PRRT4: variants seen among roughly 807,000 people sequenced by gnomAD.
The protein encoded by PRRT4 is proline rich transmembrane protein 4.
A neutral mutation model predicts 55.6 loss-of-function variants in PRRT4; 59 were observed. That is an observed-to-expected ratio of 1.06 (90% CI 0.86 to 1.32). The LOEUF is 1.32. Ranked by LOEUF, PRRT4 falls within the 40% of genes most tolerant of loss-of-function variation. The pLI, the probability that PRRT4 is intolerant of heterozygous loss-of-function variation, is 0.00. For missense variants in PRRT4, 1,217 were observed against 1,222.0 expected (o/e 1.00, Z 0.06); for synonymous variants, 606 against 601.8 (o/e 1.01, Z -0.10).
intron 4 of PRRT4, among the ~76,000 whole-genome samples, chr7:128,354,399 A>G (rs1029193967): frequency 3.9e-5 from 6 of 152,172 alleles, no homozygotes; most frequent in African/African-American, 1.4e-4. Context: ...CCCCATCTCT[A>G]CTAAAAATAC....
rs947529777 is a variant in PRRT4, at chr7:128,352,091, G to A, written c.1465C>T (p.Arg489Cys). The A allele has an allele frequency of 7.8e-6, 9 of 1,158,512 alleles. No homozygotes were observed. In the African/African-American group the frequency reaches 1.1e-4, roughly 15 times the overall value. 71.8% of individuals were successfully genotyped at this position (1,158,512 alleles called of 1,614,324 possible). The stretch of plus-strand genomic sequence containing the variant: ...GCGAGCCGCAGGGGCCGCAGCGGGC[G>A]ATGCGCGGCGCTCCCGAGGGCGGCG... The change falls in exon 5 of 5, where the codon CGC becomes TGC. Residue 489 changes from arginine to cysteine, a missense_variant. Around this residue, in one of 3 missense-constraint regions of PRRT4, gnomAD observed 642 missense variants for 600.9 expected, o/e 1.07. Transcript: ENST00000535159.
chr7:128,351,535 A>T (rs1331722299), exon 5 of PRRT4: 1 of 1,484,110 alleles, frequency 6.7e-7, no homozygotes, highest in Non-Finnish European at 8.9e-7. Context: ...CAGCTGCAGC[A>T]GCTCCGCGTC....
chr7:128,356,340 G>A (rs1797111500), intron 4 of PRRT4, among the ~76,000 whole-genome samples: 1 of 152,312 alleles, frequency 6.6e-6, no homozygotes, highest in Admixed American at 6.5e-5. Context: ...GGTGGCTCAA[G>A]TGTCATAAAA....
chr7:128,354,518 C>G (rs1266498609), intron 4 of PRRT4, among the ~76,000 whole-genome samples: 1 of 151,758 alleles, frequency 6.6e-6, no homozygotes, highest in Non-Finnish European at 1.5e-5. Context: ...AAGCAGAGAT[C>G]GCGCCTCTGC....
chr7:128,353,191 A>C (rs1056208235), intron 4 of PRRT4, among the ~76,000 whole-genome samples: 1 of 152,170 alleles, frequency 6.6e-6, no homozygotes, highest in Non-Finnish European at 1.5e-5. Flanking sequence ...GCAGATACTG[A>C]AGCTCTTCTG....
exon 5 of PRRT4, chr7:128,351,529 T>A (rs955147840): frequency 2.7e-6 from 4 of 1,487,848 alleles, no homozygotes; most frequent in Non-Finnish European, 3.6e-6. Flanking sequence ...CGCGCACAGC[T>A]GCAGCAGCTC....
chr7:128,351,714 C>T (rs1005383954), exon 5 of PRRT4: 53 of 1,486,142 alleles, frequency 3.6e-5, no homozygotes, highest in Non-Finnish European at 4.4e-5. Flanking sequence ...GCAGCGCCAA[C>T]GGGAGCGCGA....
exon 2 of PRRT4, chr7:128,359,950 G>A (rs190063022): frequency 0.015 from 22,107 of 1,439,298 alleles, 228 homozygotes; most frequent in South Asian, 0.032. Context: ...CAAACAGGAC[G>A]CAGCAGAACA....
intron 4 of PRRT4, among the ~76,000 whole-genome samples, chr7:128,356,307 C>A (rs927034137): frequency 1.3e-5 from 2 of 151,784 alleles, no homozygotes; most frequent in Non-Finnish European, 2.9e-5. Context: ...GGAATAAAAA[C>A]CAGATAATAG....
intron 4 of PRRT4, among the ~76,000 whole-genome samples, chr7:128,356,996 C>T (rs1328508520): frequency 6.6e-6 from 1 of 152,150 alleles, no homozygotes; most frequent in African/African-American, 2.4e-5. Context: ...GTGGACTAAG[C>T]GAGGTGGGCA....
chr7:128,351,867 CA>C lies in PRRT4; in HGVS notation c.1688del (p.Val563GlyfsTer8), dbSNP rs1211510829. 2 of 1,334,756 alleles carry C rather than the reference CA, an allele frequency of 1.5e-6. No homozygotes were observed. The highest frequency in any genetic ancestry group is 4.1e-5 in the Admixed American group (1 of 24,436). The allele number at this position is 1,334,756 out of a possible 1,614,324, so 82.7% of individuals were successfully genotyped here. On this transcript the variant is annotated frameshift_variant, in exon 5 of 5. Transcript: ENST00000535159. LOFTEE classifies it high-confidence loss of function. ...CGCTCAGCAGCCCGAAGGTGCCCGC[CA>C]CCGGGGCCGTGCGCGCCGCGCGCCG...
chr7:128,351,045 CG>C lies in PRRT4; in HGVS notation c.2510del (p.Pro837ArgfsTer54). On this transcript the variant is annotated frameshift_variant, in exon 5 of 5. Coordinates refer to ENST00000535159, the Ensembl canonical transcript of PRRT4. LOFTEE classifies it high-confidence loss of function. ...GGCTGGGGCTGCTTCCTGAGGGCCG[CG>C]GGGGACTGAGGACGCAGACCAGAGG... The C allele has an allele frequency of 1.3e-6, 2 of 1,549,074 alleles. No individual in the cohort carries two copies.
chr7:128,357,878 C>T (rs530964421), intron 4 of PRRT4, among the ~76,000 whole-genome samples: 3 of 152,280 alleles, frequency 2.0e-5, no homozygotes, highest in African/African-American at 2.4e-5. Context: ...CTGCCTGGGG[C>T]CAAGGCTGAG....
chr7:128,352,257 C>T lies in PRRT4; in HGVS notation c.1299G>A (p.Trp433Ter). ...GCAGCGGAAGGTCCTGCAGCAGCAG[C>T]CAGGCGAGCGCGGGCAGTCGATCCC... is the stretch of plus-strand genomic sequence containing the variant. The change falls in exon 5 of 5, where the codon TGG becomes TGA. Residue 433 changes from tryptophan to a stop codon, truncating the protein, a stop_gained. Coordinates refer to ENST00000535159, the Ensembl canonical transcript of PRRT4. LOFTEE classifies it high-confidence loss of function. The T allele has an allele frequency of 1.3e-6, 2 of 1,542,446 alleles. No homozygotes were observed. The highest frequency in any genetic ancestry group is 2.7e-5 in the African/African-American group (2 of 72,954).
intron 4 of PRRT4, among the ~76,000 whole-genome samples, chr7:128,354,496 G>A (rs1157343998): frequency 1.3e-5 from 2 of 152,078 alleles, no homozygotes; most frequent in African/African-American, 2.4e-5. Context: ...CCGGGGAGGC[G>A]GAGGTTGCAG....
chr7:128,352,707 C>A (rs976947406), intron 4 of PRRT4, 29 bp from the exon 6 acceptor site: 3 of 1,497,286 alleles, frequency 2.0e-6, no homozygotes, highest in South Asian at 2.5e-5. Flanking sequence ...TGGCTTGAGG[C>A]AATGATGCAG....
chr7:128,360,742 T>C (rs560246049), intron 1 of PRRT4, among the ~76,000 whole-genome samples: 1 of 152,062 alleles, frequency 6.6e-6, no homozygotes, highest in Non-Finnish European at 1.5e-5. Flanking sequence ...AGGGGCAGCT[T>C]GGCGATCTCC....
chr7:128,351,128 AGAGTCCGCAGAAC>A lies in PRRT4; in HGVS notation c.2415_2427del (p.Phe806ArgfsTer81). The stretch of plus-strand genomic sequence containing the variant: ...AGCAGCATGGACGAGCTGTCCCGCG[AGAGTCCGCAGAAC>A]GAGCCAGATGAGACGCTGCTGCCTG... On this transcript the variant is annotated frameshift_variant, in exon 5 of 5. Transcript: ENST00000535159. LOFTEE classifies it high-confidence loss of function. 1 of 1,547,906 alleles carries A rather than the reference AGAGTCCGCAGAAC, an allele frequency of 6.5e-7. No individual in the cohort carries two copies. The highest frequency in any genetic ancestry group is 8.7e-7 in the Non-Finnish European group (1 of 1,146,812).
At chr7:128,352,878 G>A (rs1179106151) in intron 4 of PRRT4, among the ~76,000 whole-genome samples, 200 bp from the exon 6 acceptor site, 2 of 151,870 alleles carry the variant, frequency 1.3e-5, no homozygotes, top group South Asian at 4.2e-4. Flanking sequence ...TGGAGTTTGA[G>A]CTGTCATCCT....
Sources: gnomAD v4.1 joint callset for allele counts (sites outside exome capture counted in the v4.1 genomes callset) on GRCh38, gnomAD v4.1.1 for gene constraint, gnomAD v4.1.1 regional missense constraint, MANE v1.5 for transcripts, NCBI Gene and HGNC (gene_info 2026-07-23, HGNC 2026-07-21) for gene names.